Variants in STRBP observed in about 807,000 individuals in gnomAD.
The protein encoded by STRBP is spermatid perinuclear RNA-binding protein.
Under a neutral mutation model 80.1 loss-of-function variants are expected in STRBP, and 13 were observed. The observed-to-expected ratio is 0.16, with a 90% CI of 0.11 to 0.26. The LOEUF (loss-of-function observed/expected upper bound fraction) is 0.26. Among genes scored for constraint, STRBP ranks in the 10% least tolerant of loss-of-function variants. The pLI, the probability that STRBP is intolerant of heterozygous loss-of-function variation, is 1.00. For missense variants in STRBP, 485 were observed against 815.2 expected, an observed-to-expected ratio of 0.59 and a Z score of 4.93; for synonymous variants, 284 against 291.2, an observed-to-expected ratio of 0.98 and a Z score of 0.25.
intron 9 of STRBP, 143 bp downstream of exon 9, chr9:123,158,953 C>G: frequency 3.3e-6 from 2 of 606,040 alleles, no homozygotes; most frequent in Non-Finnish European, 5.8e-6. Flanking sequence ...TTTTCCAACA[C>G]GCATTCTAGT....
chr9:123,264,381 A>C (rs538902535), intron 1 of STRBP, among the ~76,000 whole-genome samples: 73 of 152,374 alleles, frequency 4.8e-4, no homozygotes, highest in African/African-American at 1.2e-3. Context: ...ACAAACTTCA[A>C]TTTGCAGACA....
chr9:123,162,264 A>G (rs1378432048), intron 6 of STRBP, among the ~76,000 whole-genome samples: 10 of 151,102 alleles, frequency 6.6e-5, no homozygotes, highest in Non-Finnish European at 1.3e-4. Context: ...GTCCTTTGTC[A>G]CCCAGGCTGG....
At chr9:123,167,609 G>A (rs1465204246) in intron 6 of STRBP, among the ~76,000 whole-genome samples, 2 of 152,106 alleles carry the variant, frequency 1.3e-5, no homozygotes, top group African/African-American at 4.8e-5. Context: ...AACAGGGCTG[G>A]GATGTTAAGG....
intron 6 of STRBP, 27 bp downstream of exon 6, chr9:123,169,875 T>C (rs2132425328): frequency 3.0e-6 from 2 of 666,784 alleles, no homozygotes; most frequent in Non-Finnish European, 3.9e-6. Context: ...AATATATACA[T>C]ATATATATAT....
chr9:123,118,947 C>T (rs964425776), downstream of STRBP, among the ~76,000 whole-genome samples: 2 of 151,934 alleles, frequency 1.3e-5, no homozygotes, highest in African/African-American at 4.8e-5. Flanking sequence ...TTCCTCTTAT[C>T]GAAAAAAAGC....
At chr9:123,169,582 G>A (rs1222217908) in intron 6 of STRBP, among the ~76,000 whole-genome samples, 1 of 152,154 alleles carries the variant, frequency 6.6e-6, no homozygotes, top group Non-Finnish European at 1.5e-5. Context: ...TAAGTTGGCT[G>A]ATAGCAATAA....
At chr9:123,198,936 A>G (rs2132503506) in intron 2 of STRBP, among the ~76,000 whole-genome samples, 1 of 152,124 alleles carries the variant, frequency 6.6e-6, no homozygotes, top group South Asian at 2.1e-4. Context: ...ATTCTGTTTC[A>G]TTTGTCTATG....
At chr9:123,133,210 T>C (rs1018101010) in intron 16 of STRBP, among the ~76,000 whole-genome samples, 2 of 152,226 alleles carry the variant, frequency 1.3e-5, no homozygotes, top group Non-Finnish European at 2.9e-5. Context: ...AAAGAGTTCA[T>C]TTTCTACACC....
At chr9:123,204,713 C>T (rs936622033) in intron 2 of STRBP, among the ~76,000 whole-genome samples, 1 of 149,818 alleles carries the variant, frequency 6.7e-6, no homozygotes, top group African/African-American at 2.5e-5. Flanking sequence ...GTCAGGAGAT[C>T]GAGACCATCC....
In STRBP at chr9:123,115,276, TC is replaced by T; in HGVS notation, c.*84+652del. The T allele has an allele frequency of 2.1e-6, 1 of 471,180 alleles. No individual in the cohort carries two copies. The highest frequency in any genetic ancestry group is 4.4e-6 in the Non-Finnish European group (1 of 227,042). 29.2% of individuals were successfully genotyped at this position (471,180 alleles called of 1,614,324 possible). A position where few individuals can be genotyped will look rare whatever the true frequency, so the allele number is the denominator to read the frequency against. ...CCCGTCTGGCTCAGTGGGAAGCCTA[TC>T]GCTCTTGGTAAATTACTCAGTAAGC... On this transcript the variant is annotated intron_variant and NMD_transcript_variant, in intron 3 of 3. Transcript: ENST00000471564. This position sits in a 1 kb window ranked among gnomAD's most constrained non-coding sequence, Gnocchi z 5.0.
chr9:123,238,497 G>GC (rs1270095932), intron 1 of STRBP, among the ~76,000 whole-genome samples: 1 of 152,184 alleles, frequency 6.6e-6, no homozygotes, highest in East Asian at 1.9e-4. Context: ...CATAAAAGCA[G>GC]CATGACCTAG....
intron 2 of STRBP, among the ~76,000 whole-genome samples, chr9:123,234,073 C>T (rs1349823247): frequency 1.3e-5 from 2 of 151,654 alleles, no homozygotes; most frequent in Non-Finnish European, 2.9e-5. Flanking sequence ...TGGTGGCGGG[C>T]GCCTGTAGTC....
At chr9:123,167,219 G>T (rs529145833) in intron 6 of STRBP, among the ~76,000 whole-genome samples, 1 of 151,902 alleles carries the variant, frequency 6.6e-6, no homozygotes, top group Non-Finnish European at 1.5e-5. Flanking sequence ...TGTTTGGGTG[G>T]GGGTAGGTGA....
intron 2 of STRBP, among the ~76,000 whole-genome samples, chr9:123,203,446 T>A (rs1293860653): frequency 6.6e-6 from 1 of 152,168 alleles, no homozygotes; most frequent in African/African-American, 2.4e-5. Context: ...TTCACAATAA[T>A]TAAGGCTATA....
At chr9:123,204,605 A>T (rs947930157) in intron 2 of STRBP, among the ~76,000 whole-genome samples, 1 of 152,190 alleles carries the variant, frequency 6.6e-6, no homozygotes, top group African/African-American at 2.4e-5. Flanking sequence ...AAAAGGGGTA[A>T]TGTGCCAAGA....
At chr9:123,137,771 C>T (rs1196532387) in intron 14 of STRBP, among the ~76,000 whole-genome samples, 1 of 152,078 alleles carries the variant, frequency 6.6e-6, no homozygotes, top group Non-Finnish European at 1.5e-5. Flanking sequence ...TAAAGTATTC[C>T]GTGCAGTTTG....
chr9:123,267,155 A>C (rs1588171680), intron 1 of STRBP, among the ~76,000 whole-genome samples: 3 of 94,420 alleles, frequency 3.2e-5, no homozygotes, highest in South Asian at 3.2e-4. Flanking sequence ...ACTCCACGCC[A>C]CCCCACACCT....
intron 1 of STRBP, among the ~76,000 whole-genome samples, chr9:123,249,181 C>T (rs12352446): frequency 0.088 from 13,380 of 152,084 alleles, 1,650 homozygotes; most frequent in East Asian, 0.6. Flanking sequence ...AGTTGGAAAC[C>T]GCAGGTCACA....
intron 16 of STRBP, 95 bp from the exon 17 acceptor site, chr9:123,133,063 G>A (rs1228796163): frequency 1.3e-6 from 2 of 1,488,612 alleles, no homozygotes; most frequent in Non-Finnish European, 1.8e-6. Flanking sequence ...GAGAAACTGT[G>A]AGCACGTGGG....
Sources: allele counts gnomAD v4.1 joint callset (sites outside exome capture counted in the v4.1 genomes callset), GRCh38; gene constraint gnomAD v4.1.1; non-coding constraint Gnocchi (gnomAD v3.1); transcripts MANE v1.5; gene names NCBI Gene and HGNC (gene_info 2026-07-23, HGNC 2026-07-21).